TAFA2: variants seen among roughly 807,000 people sequenced by gnomAD.
TAFA2 encodes chemokine-like protein TAFA-2.
A neutral mutation model predicts 18.8 loss-of-function variants in TAFA2; 7 were observed. The ratio of observed to expected loss-of-function variants is 0.37; its 90% CI spans 0.21 to 0.70. TAFA2 has a LOEUF of 0.70. TAFA2 is among the 30% of genes least tolerant of loss of function. The pLI is 0.53. For synonymous variants in TAFA2, 60 were observed against 54.2 expected (o/e 1.11, Z -0.47); for missense variants, 122 against 158.1 (o/e 0.77, Z 1.23).
chr12:61,788,577 G>A (rs968284817), intron 2 of TAFA2, among the ~76,000 whole-genome samples: 1 of 151,634 alleles, frequency 6.6e-6, no homozygotes, highest in Non-Finnish European at 1.5e-5. Flanking sequence ...ATGATATAGA[G>A]CCTAGAAAAC....
chr12:62,107,176 C>G (rs1041795360), intron 1 of TAFA2, among the ~76,000 whole-genome samples: 1 of 152,116 alleles, frequency 6.6e-6, no homozygotes, highest in African/African-American at 2.4e-5. Context: ...TAAAATATCT[C>G]TGGTATTTCT....
intron 1 of TAFA2, among the ~76,000 whole-genome samples, chr12:62,231,553 G>C (rs1285963970): frequency 6.6e-6 from 1 of 152,104 alleles, no homozygotes. Context: ...AGAGAATTGA[G>C]TCTGTTTACA....
chr12:61,819,156 G>A (rs1872217255), intron 2 of TAFA2, among the ~76,000 whole-genome samples: 1 of 152,128 alleles, frequency 6.6e-6, no homozygotes, highest in African/African-American at 2.4e-5. Context: ...GGATGGAGTA[G>A]GTTTGTGTAG....
rs148705640 is a variant in TAFA2 at position 62,137,232 on chromosome 12, T to C, written c.-2+54027A>G. 4.8e-3 allele frequency among the ~76,000 whole-genome samples: 726 copies of C among 152,238 alleles called. 6 individuals are homozygous for C. Among genetic ancestry groups the C allele is most frequent in the South Asian group, 0.017 (84 of 4,826 alleles). On this transcript the variant is annotated intron_variant, in intron 1 of 4. Coordinates refer to ENST00000416284, the MANE Select transcript of TAFA2 (RefSeq NM_178539.5). ...AACATATTTACAGTTCATGGGCAAA[T>C]AAACTTACACTGTAAATGATCATAT...
At chr12:61,770,212 T>C (rs1189444929) in intron 2 of TAFA2, among the ~76,000 whole-genome samples, 1 of 151,902 alleles carries the variant, frequency 6.6e-6, no homozygotes, top group Non-Finnish European at 1.5e-5. Flanking sequence ...AATAAAAAAA[T>C]TAATAAAGCC....
intron 4 of TAFA2, among the ~76,000 whole-genome samples, chr12:61,740,682 T>C (rs898126663): frequency 6.6e-6 from 1 of 151,844 alleles, no homozygotes; most frequent in Non-Finnish European, 1.5e-5. Flanking sequence ...TAAATTTATA[T>C]AAATAAGCAA....
chr12:61,760,574 G>C (rs1869500166), intron 2 of TAFA2, among the ~76,000 whole-genome samples: 2 of 151,560 alleles, frequency 1.3e-5, no homozygotes, highest in African/African-American at 4.8e-5. Flanking sequence ...TCAGTATGTG[G>C]TATGTGTTTA....
At chr12:62,067,274 C>T (rs936833498) in intron 1 of TAFA2, among the ~76,000 whole-genome samples, 4 of 151,506 alleles carry the variant, frequency 2.6e-5, no homozygotes, top group African/African-American at 9.8e-5. Context: ...TGTATCTTCA[C>T]TTTGTTGATT....
chr12:61,921,564 G>C (rs1592487856), intron 1 of TAFA2, among the ~76,000 whole-genome samples: 1 of 151,956 alleles, frequency 6.6e-6, no homozygotes, highest in African/African-American at 2.4e-5. Context: ...GGTGTGGTGG[G>C]GTATGATTTG....
intron 1 of TAFA2, among the ~76,000 whole-genome samples, chr12:62,173,239 CCT>C (rs549676845): frequency 1.8e-3 from 278 of 152,132 alleles, no homozygotes; most frequent in African/African-American, 5.6e-3. Flanking sequence ...ATGGTGAAAC[CCT>C]GTCTCTACTA....
intron 2 of TAFA2, among the ~76,000 whole-genome samples, chr12:61,796,139 T>C (rs1255003025): frequency 6.6e-6 from 1 of 152,064 alleles, no homozygotes; most frequent in Non-Finnish European, 1.5e-5. Flanking sequence ...TCCTAGCAAT[T>C]TTCCCAAAAG....
intron 1 of TAFA2, chr12:62,234,759 T>G (rs1188796144): frequency 1.8e-6 from 2 of 1,089,594 alleles, no homozygotes; most frequent in African/African-American, 3.1e-5. Context: ...GGAGTTCTGC[T>G]CTGCTGTCTG....
upstream of TAFA2, among the ~76,000 whole-genome samples, chr12:62,193,380 T>C (rs1360546952): frequency 6.6e-6 from 1 of 152,246 alleles, no homozygotes; most frequent in African/African-American, 2.4e-5. Context: ...ATGGTCAAGA[T>C]AGCTAAATTC....
At position 62,119,777 on chromosome 12, in the gene TAFA2, A is replaced by T. The variant is rs17714169; in HGVS notation, c.-2+71482T>A. The stretch of plus-strand genomic sequence containing the variant: ...ATCATGGTATGACTGCATCTCTGTA[A>T]AAGCAAAAGGGTTTGGCCGGGCACG... On this transcript the variant is annotated intron_variant, in intron 1 of 4. Transcript: ENST00000416284. 7.8e-3 allele frequency among the ~76,000 whole-genome samples: 1,189 copies of T among 152,294 alleles called. 11 individuals carry two copies. Among genetic ancestry groups the T allele is most frequent in the Non-Finnish European group, 0.012 (807 of 68,036 alleles).
intron 4 of TAFA2, among the ~76,000 whole-genome samples, chr12:61,724,751 ATGTGTGTGTGTGTGTGTGTGTGTGTG>A (rs71083953): frequency 9.6e-5 from 11 of 114,630 alleles, no homozygotes; most frequent in African/African-American, 3.2e-4. Context: ...TGGTATGTCT[ATGTGTGTGTGTGTGTGTGTGTGTGTG>A]TGTGTGTGTG....
chr12:61,726,666 A>G (rs897687564), intron 4 of TAFA2, among the ~76,000 whole-genome samples: 1 of 152,112 alleles, frequency 6.6e-6, no homozygotes, highest in African/African-American at 2.4e-5. Flanking sequence ...GTATCCAATC[A>G]TATCACCAGT....
At chr12:61,958,045 C>T (rs1878757517) in intron 1 of TAFA2, among the ~76,000 whole-genome samples, 1 of 152,052 alleles carries the variant, frequency 6.6e-6, no homozygotes, top group African/African-American at 2.4e-5. Flanking sequence ...CATTAGCAAC[C>T]TGGTGTGTTT....
At chr12:62,045,614 C>G (rs1881888907) in intron 1 of TAFA2, among the ~76,000 whole-genome samples, 1 of 152,170 alleles carries the variant, frequency 6.6e-6, no homozygotes, top group South Asian at 2.1e-4. Context: ...GCTCTACAAA[C>G]TTTTGCTATG....
chr12:61,815,126 G>T lies in TAFA2; in HGVS notation c.106+52194C>A, dbSNP rs919047021. On this transcript the variant is annotated intron_variant, in intron 2 of 4. Coordinates refer to ENST00000416284, the MANE Select transcript of TAFA2 (RefSeq NM_178539.5). The stretch of plus-strand genomic sequence containing the variant: ...AAATATGTTACTATTTCATGGAGTA[G>T]AGTAGTCATGGCAGAAATAGTAGAG... Among the ~76,000 whole-genome samples the T allele has an allele frequency of 4.6e-5, 7 of 151,454 alleles. 1 individual carries two copies. Among genetic ancestry groups the T allele is most frequent in the African/African-American group, 1.7e-4 (7 of 40,740 alleles).
Sources: gnomAD v4.1 joint callset for allele counts (sites outside exome capture counted in the v4.1 genomes callset) on GRCh38, gnomAD v4.1.1 for gene constraint, MANE v1.5 for transcripts, NCBI Gene and HGNC (gene_info 2026-07-23, HGNC 2026-07-21) for gene names.